The following GRM7 variants were observed in gnomAD, a reference collection of about 807,000 sequenced individuals.
The protein encoded by GRM7 is metabotropic glutamate receptor 7.
A neutral mutation model predicts 84.5 loss-of-function variants in GRM7; 35 were observed. That is an observed-to-expected ratio of 0.41 (90% CI 0.32 to 0.55). The LOEUF (loss-of-function observed/expected upper bound fraction) is 0.55. Ranked by LOEUF, GRM7 falls within the 20% of genes least tolerant of loss-of-function variation. The pLI, the probability that GRM7 is intolerant of heterozygous loss-of-function variation, is 0.19. For missense variants in GRM7, 1,003 were observed against 1,194.6 expected, an observed-to-expected ratio of 0.84 and a Z score of 2.36; for synonymous variants, 487 against 455.1, an observed-to-expected ratio of 1.07 and a Z score of -0.89.
chr3:7,387,619 G>A (rs1034081141), intron 4 of GRM7, among the ~76,000 whole-genome samples: 10 of 152,034 alleles, frequency 6.6e-5, no homozygotes, highest in South Asian at 2.1e-4. Context: ...TTATTTCGGG[G>A]GTCTGTATTC....
intron 7 of GRM7, among the ~76,000 whole-genome samples, chr3:7,499,743 C>G (rs992678852): frequency 6.6e-6 from 1 of 151,834 alleles, no homozygotes; most frequent in Non-Finnish European, 1.5e-5. Context: ...GCAAAAACCT[C>G]ACAGTTTAAT....
chr3:7,232,612 C>A lies in GRM7; in HGVS notation c.737-66072C>A, dbSNP rs991928014. Among the ~76,000 whole-genome samples the A allele has an allele frequency of 7.9e-5, 12 of 152,312 alleles. No individual in the cohort carries two copies. The South Asian group carries it at 1.0e-3, about 13-fold the overall frequency. ...TGAACTTCTGAGAGACAGAAGAGGACTCTTGCAGTTTGTAATGAGAGGCTT... is the reference window on the plus strand; with the variant it reads ...TGAACTTCTGAGAGACAGAAGAGGAATCTTGCAGTTTGTAATGAGAGGCTT... On this transcript the variant is annotated intron_variant, in intron 2 of 9. Coordinates refer to ENST00000357716, the MANE Select transcript of GRM7 (RefSeq NM_000844.4).
intron 1 of GRM7, among the ~76,000 whole-genome samples, chr3:7,132,084 A>T (rs1418529395): frequency 6.6e-6 from 1 of 152,168 alleles, no homozygotes; most frequent in African/African-American, 2.4e-5. Context: ...ATTAGCTTAA[A>T]CAACACCTCT....
intron 1 of GRM7, among the ~76,000 whole-genome samples, chr3:6,952,022 T>A (rs946474196): frequency 6.6e-5 from 10 of 152,190 alleles, no homozygotes; most frequent in African/African-American, 1.2e-4. Context: ...CCTTTTTTTT[T>A]AACTGGTGAT....
At chr3:7,434,383 T>C (rs1465615324) in intron 5 of GRM7, among the ~76,000 whole-genome samples, 1 of 152,148 alleles carries the variant, frequency 6.6e-6, no homozygotes, top group Non-Finnish European at 1.5e-5. Flanking sequence ...ATAACGTAAA[T>C]CAGTCTGGCA....
At chr3:7,029,016 G>T (rs1031824791) in intron 1 of GRM7, among the ~76,000 whole-genome samples, 6 of 152,122 alleles carry the variant, frequency 3.9e-5, no homozygotes, top group African/African-American at 1.4e-4. Context: ...ATTACCACAT[G>T]ATTAGGGTTG....
chr3:7,481,811 G>A (rs1083801), intron 7 of GRM7, among the ~76,000 whole-genome samples: 117,984 of 152,174 alleles, frequency 0.78, 46,591 homozygotes, highest in African/African-American at 0.93. Flanking sequence ...TGTCCTCAAC[G>A]ATGCAAACTG....
chr3:7,006,018 G>T (rs1695171894), intron 1 of GRM7, among the ~76,000 whole-genome samples: 1 of 152,132 alleles, frequency 6.6e-6, no homozygotes, highest in South Asian at 2.1e-4. Flanking sequence ...AGATAGAGGA[G>T]AGGTATAATG....
At chr3:6,896,086 A>G (rs1291725325) in intron 1 of GRM7, among the ~76,000 whole-genome samples, 1 of 152,202 alleles carries the variant, frequency 6.6e-6, no homozygotes, top group Non-Finnish European at 1.5e-5. Context: ...CATGCAGCAT[A>G]AGATTAATGG....
chr3:6,972,932 A>T (rs1693819529), intron 1 of GRM7, among the ~76,000 whole-genome samples: 1 of 152,236 alleles, frequency 6.6e-6, no homozygotes, highest in South Asian at 2.1e-4. Flanking sequence ...TGTGCCTGAC[A>T]CAGAGTGATA....
intron 1 of GRM7, among the ~76,000 whole-genome samples, chr3:6,908,461 C>G (rs1160430300): frequency 1.3e-5 from 2 of 152,152 alleles, no homozygotes; most frequent in African/African-American, 4.8e-5. Flanking sequence ...TGTGTTTTTC[C>G]CTCATTTCGC....
intron 1 of GRM7, among the ~76,000 whole-genome samples, chr3:7,095,485 T>C (rs1698824473): frequency 6.6e-6 from 1 of 152,166 alleles, no homozygotes; most frequent in African/African-American, 2.4e-5. Flanking sequence ...TTCTGTACAA[T>C]AAAAACCCAT....
chr3:6,972,109 T>C (rs895646655), intron 1 of GRM7, among the ~76,000 whole-genome samples: 3 of 152,166 alleles, frequency 2.0e-5, no homozygotes, highest in African/African-American at 7.2e-5. Context: ...CATTTCCAGT[T>C]AAATATGTAA....
chr3:7,640,790 T>C (rs959879123), intron 8 of GRM7, among the ~76,000 whole-genome samples: 1 of 152,174 alleles, frequency 6.6e-6, no homozygotes, highest in Non-Finnish European at 1.5e-5. Flanking sequence ...AGTGATATCA[T>C]CTGCATTTTT....
intron 7 of GRM7, among the ~76,000 whole-genome samples, chr3:7,568,872 G>C (rs111471529): frequency 1.3e-5 from 2 of 151,992 alleles, no homozygotes; most frequent in Non-Finnish European, 2.9e-5. Context: ...ATGCCTGAGC[G>C]CCCCCCCTCC....
intron 1 of GRM7, among the ~76,000 whole-genome samples, chr3:7,105,167 G>A (rs1234590189): frequency 1.3e-5 from 2 of 151,414 alleles, no homozygotes; most frequent in Non-Finnish European, 3.0e-5. Flanking sequence ...AATGTTCTTT[G>A]TCATAATGTG....
chr3:7,245,051 G>T (rs1575075003), intron 2 of GRM7, among the ~76,000 whole-genome samples: 1 of 151,942 alleles, frequency 6.6e-6, no homozygotes, highest in African/African-American at 2.4e-5. Context: ...TTATTAGATG[G>T]GATTAATGGC....
intron 7 of GRM7, among the ~76,000 whole-genome samples, chr3:7,483,748 G>C (rs1421737031): frequency 1.3e-5 from 2 of 151,982 alleles, no homozygotes; most frequent in Non-Finnish European, 2.9e-5. Context: ...TTCCAGATGA[G>C]AGATAGATAT....
At chr3:7,191,816 A>G (rs909342570) in intron 2 of GRM7, among the ~76,000 whole-genome samples, 1 of 151,950 alleles carries the variant, frequency 6.6e-6, no homozygotes, top group African/African-American at 2.4e-5. Flanking sequence ...TGATTCTACA[A>G]ATCTTTATGT....
Sources: gnomAD v4.1 joint callset for allele counts (sites outside exome capture counted in the v4.1 genomes callset) on GRCh38, gnomAD v4.1.1 for gene constraint, MANE v1.5 for transcripts, NCBI Gene and HGNC (gene_info 2026-07-23, HGNC 2026-07-21) for gene names.